TRHDE: variants seen among roughly 807,000 people sequenced by gnomAD.
TRHDE encodes the protein thyrotropin releasing hormone degrading enzyme.
TRHDE carries 72 observed loss-of-function variants against 125.7 expected under a neutral mutation model. The observed-to-expected ratio is 0.57, with a 90% CI of 0.47 to 0.70. TRHDE has a LOEUF of 0.70. TRHDE is among the 30% of genes least tolerant of loss of function. The probability of loss-of-function intolerance (pLI) is 0.00; values close to 1 mark genes in which losing one functional copy is unlikely to be tolerated. For synonymous variants in TRHDE, 509 were observed against 509.1 expected (o/e 1.00, Z 0.00); for missense variants, 1,110 against 1,327.1 (o/e 0.84, Z 2.54).
intron 12 of TRHDE, among the ~76,000 whole-genome samples, chr12:72,592,950 C>G (rs1460257385): frequency 1.3e-5 from 2 of 152,028 alleles, no homozygotes; most frequent in Non-Finnish European, 2.9e-5. Context: ...TGACCTCAGG[C>G]GATCCACCAG....
At chr12:72,558,909 T>C (rs1870045658) in intron 7 of TRHDE, among the ~76,000 whole-genome samples, 1 of 152,152 alleles carries the variant, frequency 6.6e-6, no homozygotes. Context: ...GTTATCTATG[T>C]GGCTTGGATA....
intron 3 of TRHDE, among the ~76,000 whole-genome samples, chr12:72,418,280 A>T (rs1024074617): frequency 6.6e-6 from 1 of 152,050 alleles, no homozygotes; most frequent in African/African-American, 2.4e-5. Flanking sequence ...TTAATTAAGG[A>T]TTAATTAATG....
intron 2 of TRHDE, among the ~76,000 whole-genome samples, chr12:72,136,059 A>G (rs1875978430): frequency 6.6e-6 from 1 of 152,190 alleles, no homozygotes; most frequent in Non-Finnish European, 1.5e-5. Flanking sequence ...ATATGTAGTG[A>G]AAGAGTCAGG....
At chr12:72,315,341 T>C (rs1384439116) in intron 2 of TRHDE, among the ~76,000 whole-genome samples, 2 of 152,204 alleles carry the variant, frequency 1.3e-5, no homozygotes, top group South Asian at 4.1e-4. Context: ...ATAGGTCTTA[T>C]ACAAGTTCCT....
In TRHDE at chr12:72,272,961, C is replaced by A. The variant is rs1425753171; in HGVS notation, c.318C>A (p.Leu106=). The A allele has an allele frequency of 6.4e-7, 1 of 1,569,302 alleles. No homozygotes were observed. The highest frequency in any genetic ancestry group is 1.2e-5 in the South Asian group (1 of 86,938). The change falls in exon 1 of 19, where the codon CTC becomes CTA. Residue 106 remains leucine (L), a synonymous_variant. Coordinates refer to ENST00000261180, the MANE Select transcript of TRHDE (RefSeq NM_013381.3). The surrounding 1 kb of genome is among the most constrained non-coding windows in gnomAD (Gnocchi z 6.7). ...CGGTCACAATGCTCGCTGTGCTGCT[C>A]AGCCTGCGCTTCGACGAGTGCGGGG... ...LLAVTMLAVL[L]SLRFDECGAS... is the part of the protein sequence containing the mutation.
intron 2 of TRHDE, among the ~76,000 whole-genome samples, chr12:72,131,667 C>A (rs945030264): frequency 6.6e-6 from 1 of 152,150 alleles, no homozygotes; most frequent in Admixed American, 6.5e-5. Context: ...TGCTGTCTGG[C>A]GACAGCTCTT....
chr12:72,452,442 C>A (rs549729148), intron 3 of TRHDE, among the ~76,000 whole-genome samples: 121 of 152,144 alleles, frequency 8.0e-4, no homozygotes, highest in African/African-American at 1.2e-3. Context: ...TCTTCTCTTG[C>A]CTAATTGCTC....
At chr12:72,165,135 T>C (rs1192967513) in intron 2 of TRHDE, among the ~76,000 whole-genome samples, 3 of 152,192 alleles carry the variant, frequency 2.0e-5, no homozygotes, top group African/African-American at 7.2e-5. Flanking sequence ...TTCCCAGATC[T>C]GTCAGCACGT....
intron 12 of TRHDE, among the ~76,000 whole-genome samples, chr12:72,594,431 T>G (rs945063182): frequency 6.6e-6 from 1 of 151,446 alleles, no homozygotes. Flanking sequence ...TTGGTCAGGC[T>G]GGTCTCGAAC....
chr12:72,196,224 A>G (rs554209556), intron 2 of TRHDE, among the ~76,000 whole-genome samples: 183 of 152,194 alleles, frequency 1.2e-3, no homozygotes, highest in African/African-American at 4.0e-3. Flanking sequence ...TTTTGGTTCC[A>G]TATGAATTTT....
At chr12:72,343,664 G>T (rs2135732660) in intron 2 of TRHDE, among the ~76,000 whole-genome samples, 1 of 152,180 alleles carries the variant, frequency 6.6e-6, no homozygotes, top group South Asian at 2.1e-4. Flanking sequence ...ATTCATAACT[G>T]ATGATGAGTA....
chr12:72,373,572 CTTAT>C (rs1273131586), intron 2 of TRHDE, among the ~76,000 whole-genome samples: 1 of 152,106 alleles, frequency 6.6e-6, no homozygotes, highest in African/African-American at 2.4e-5. Flanking sequence ...ATAAATAAAA[CTTAT>C]ATTTTGCTAA....
intron 2 of TRHDE, among the ~76,000 whole-genome samples, chr12:72,350,094 A>G (rs895928730): frequency 4.1e-4 from 63 of 151,912 alleles, no homozygotes; most frequent in African/African-American, 1.5e-3. Flanking sequence ...CCTCTAACCA[A>G]CTTTCCTCAA....
Position 72,286,839 on chromosome 12 carries a change from A to T in TRHDE, c.1073A>T (p.Glu358Val). 6.2e-7 allele frequency: 1 copy of T among 1,613,884 alleles called. No homozygotes were observed. The highest frequency in any genetic ancestry group is 8.5e-7 in the Non-Finnish European group (1 of 1,179,956). ...CCAGTGGAAACTTCCGTGTTTGAGG[A>T]AGATGGATGGGTTACGGATCACTTT... ...NMPVETSVFE[E>V]DGWVTDHFSQ... Residue 358 changes from glutamate to valine, a missense_variant, in exon 2 of 19, where the codon GAA becomes GTA. By Grantham distance (121) the Glu-to-Val change is moderately radical. Coordinates refer to ENST00000261180, the MANE Select transcript of TRHDE (RefSeq NM_013381.3).
chr12:72,293,604 A>C (rs2139437337), intron 2 of TRHDE, among the ~76,000 whole-genome samples: 1 of 152,336 alleles, frequency 6.6e-6, no homozygotes, highest in African/African-American at 2.4e-5. Flanking sequence ...CCAAGAAAGA[A>C]AGTGACCATT....
In TRHDE at chr12:72,430,568, A is replaced by C. The variant is rs896076717; in HGVS notation, c.1316-39190A>C. Among the ~76,000 whole-genome samples, 3 of 151,484 alleles carry C rather than the reference A, an allele frequency of 2.0e-5. No homozygotes were observed. In the South Asian group the frequency reaches 6.2e-4, roughly 32 times the overall value. The stretch of plus-strand genomic sequence containing the variant: ...GTCACTGCATTCTTGTGAAAAAATT[A>C]ATTTACCATAAATATGAGGATTGTT... On this transcript the variant is annotated intron_variant, in intron 3 of 18. Transcript: ENST00000261180.
At chr12:72,351,551 T>C (rs1163698877) in intron 2 of TRHDE, among the ~76,000 whole-genome samples, 1 of 151,912 alleles carries the variant, frequency 6.6e-6, no homozygotes, top group Non-Finnish European at 1.5e-5. Context: ...TCCTTTCCTA[T>C]CCTGTCCTGT....
At chr12:72,224,446 A>G (rs1487770272) in intron 2 of TRHDE, among the ~76,000 whole-genome samples, 1 of 152,104 alleles carries the variant, frequency 6.6e-6, no homozygotes, top group African/African-American at 2.4e-5. Flanking sequence ...TATCCTATTC[A>G]TACCAATTTG....
At chr12:72,339,511 C>A (rs1303392068) in intron 2 of TRHDE, among the ~76,000 whole-genome samples, 1 of 152,144 alleles carries the variant, frequency 6.6e-6, no homozygotes, top group African/African-American at 2.4e-5. Flanking sequence ...GGAACGTCAG[C>A]ATAGAGCTGA....
Sources: gnomAD v4.1 joint callset for allele counts (sites outside exome capture counted in the v4.1 genomes callset) on GRCh38, gnomAD v4.1.1 for gene constraint, Gnocchi (gnomAD v3.1) non-coding constraint, MANE v1.5 for transcripts, NCBI Gene and HGNC (gene_info 2026-07-23, HGNC 2026-07-21) for gene names.